The following SLC4A4 variants were observed in gnomAD, a reference collection of about 807,000 sequenced individuals.
SLC4A4 encodes the protein electrogenic sodium bicarbonate cotransporter 1.
In SLC4A4, 27 loss-of-function variants were observed where a neutral mutation model predicts 111.5. That is an observed-to-expected ratio of 0.24 (90% CI 0.18 to 0.33). The LOEUF (loss-of-function observed/expected upper bound fraction) is 0.33. SLC4A4 is among the 10% of genes least tolerant of loss of function. The pLI, the probability that SLC4A4 is intolerant of heterozygous loss-of-function variation, is 1.00. For missense variants in SLC4A4, 909 were observed against 1,315.5 expected (o/e 0.69, Z 4.78); for synonymous variants, 443 against 463.4 (o/e 0.96, Z 0.57).
intron 7 of SLC4A4, among the ~76,000 whole-genome samples, chr4:71,424,034 T>C (rs1030199755): frequency 2.6e-5 from 4 of 152,174 alleles, no homozygotes; most frequent in Admixed American, 2.0e-4. Context: ...CAAAAGAAAC[T>C]ACCATCAGAG....
intron 12 of SLC4A4, among the ~76,000 whole-genome samples, chr4:71,463,123 C>T (rs1577965214): frequency 6.6e-6 from 1 of 152,142 alleles, no homozygotes; most frequent in South Asian, 2.1e-4. Flanking sequence ...AAAATGAAAG[C>T]CCAACCAAAA....
At chr4:71,201,819 A>G (rs1746266065) in intron 1 of SLC4A4, among the ~76,000 whole-genome samples, 1 of 152,178 alleles carries the variant, frequency 6.6e-6, no homozygotes, top group Non-Finnish European at 1.5e-5. Flanking sequence ...GTGTTTTTGT[A>G]CCATTTGTGT....
At chr4:71,451,084 T>G (rs1264208325) in intron 10 of SLC4A4, 104 bp from the exon 11 acceptor site, 7 of 773,372 alleles carry the variant, frequency 9.1e-6, no homozygotes, top group South Asian at 2.9e-5. Context: ...TCTTTCACCT[T>G]AAGGGTTTTC....
intron 20 of SLC4A4, among the ~76,000 whole-genome samples, chr4:71,547,943 G>A (rs1291070737): frequency 2.0e-5 from 3 of 151,696 alleles, no homozygotes; most frequent in Admixed American, 1.3e-4. Flanking sequence ...TTATTTGATT[G>A]AACTATATTA....
At chr4:71,551,954 A>G (rs1419514464) in intron 20 of SLC4A4, among the ~76,000 whole-genome samples, 1 of 151,886 alleles carries the variant, frequency 6.6e-6, no homozygotes, top group African/African-American at 2.4e-5. Context: ...AATATAGTAG[A>G]ACTTAAATAA....
At chr4:71,228,366 A>G (rs1719182777) in intron 1 of SLC4A4, among the ~76,000 whole-genome samples, 1 of 152,154 alleles carries the variant, frequency 6.6e-6, no homozygotes, top group African/African-American at 2.4e-5. Flanking sequence ...AATCCCGTGC[A>G]TTTGCTCATG....
chr4:71,122,078 A>G (rs1254055298), intron 2 of SLC4A4, among the ~76,000 whole-genome samples: 1 of 152,012 alleles, frequency 6.6e-6, no homozygotes, highest in Admixed American at 6.6e-5. Flanking sequence ...ACACATCCAA[A>G]CATCAGAAGG....
At chr4:71,326,299 G>C (rs1022842585) in intron 3 of SLC4A4, among the ~76,000 whole-genome samples, 3 of 151,740 alleles carry the variant, frequency 2.0e-5, no homozygotes, top group Non-Finnish European at 2.9e-5. Context: ...AGTTTATAAG[G>C]ATGAGAAAAG....
intron 2 of SLC4A4, among the ~76,000 whole-genome samples, chr4:71,246,129 C>T (rs1018245892): frequency 2.6e-5 from 4 of 152,148 alleles, no homozygotes; most frequent in East Asian, 1.9e-4. Flanking sequence ...TGCTGGAAAA[C>T]GTTTAGCCTT....
At chr4:71,159,265 A>C (rs1204167136) in intron 2 of SLC4A4, among the ~76,000 whole-genome samples, 1 of 152,178 alleles carries the variant, frequency 6.6e-6, no homozygotes, top group Non-Finnish European at 1.5e-5. Context: ...GGGTTTTTTC[A>C]ATTTTTTAAT....
intron 2 of SLC4A4, among the ~76,000 whole-genome samples, chr4:71,121,203 T>TC (rs1249311067): frequency 6.7e-6 from 1 of 150,164 alleles, no homozygotes; most frequent in African/African-American, 2.5e-5. Flanking sequence ...TGCCCAAGCC[T>TC]CCCCCGCTTC....
intron 3 of SLC4A4, among the ~76,000 whole-genome samples, chr4:71,332,462 T>C (rs1163354627): frequency 6.7e-6 from 1 of 150,264 alleles, no homozygotes; most frequent in Non-Finnish European, 1.5e-5. Flanking sequence ...TTTTTTTTTT[T>C]GAGACGGAGT....
intron 2 of SLC4A4, among the ~76,000 whole-genome samples, chr4:71,115,198 A>C: frequency 9.7e-6 from 1 of 103,520 alleles, no homozygotes; most frequent in South Asian, 4.0e-4. Flanking sequence ...GGGTGGGGGG[A>C]GGGGAGAGGG....
chr4:71,533,437 A>G (rs1316546685), intron 17 of SLC4A4, among the ~76,000 whole-genome samples: 2 of 152,136 alleles, frequency 1.3e-5, no homozygotes, highest in African/African-American at 4.8e-5. Context: ...TTGATAGCAA[A>G]TATGGAGAAA....
intron 22 of SLC4A4, among the ~76,000 whole-genome samples, chr4:71,559,802 G>C (rs964813335): frequency 2.6e-5 from 4 of 151,736 alleles, no homozygotes; most frequent in Non-Finnish European, 4.4e-5. Context: ...GGAAGGCAAT[G>C]GTTTTGAAAA....
intron 13 of SLC4A4, among the ~76,000 whole-genome samples, chr4:71,469,477 A>C (rs766113233): frequency 6.6e-6 from 1 of 151,942 alleles, no homozygotes; most frequent in Non-Finnish European, 1.5e-5. Flanking sequence ...GTTTTATGCT[A>C]CTGAGAAACT....
At chr4:71,156,565 TGCGCGCATGCGCGCGC>T (rs1245461146) in intron 2 of SLC4A4, among the ~76,000 whole-genome samples, 12 of 27,398 alleles carry the variant, frequency 4.4e-4, no homozygotes, top group Admixed American at 6.9e-4. Flanking sequence ...AATAAGTGTG[TGCGCGCATGCGCGCGC>T]GCGCGCGCAC....
At chr4:71,466,931 A>AAGAGAGAGAGAGAGAG (rs61128918) in intron 13 of SLC4A4, among the ~76,000 whole-genome samples, 14 of 94,810 alleles carry the variant, frequency 1.5e-4, no homozygotes, top group South Asian at 6.9e-4. Flanking sequence ...ACAAGACGGG[A>AAGAGAGAGAGAGAGAG]AGAGAGAGAG....
chr4:71,120,649 C>A (rs905915439), intron 2 of SLC4A4, among the ~76,000 whole-genome samples: 1 of 152,180 alleles, frequency 6.6e-6, no homozygotes, highest in Non-Finnish European at 1.5e-5. Context: ...GGGAGGATCT[C>A]CTGAGGTCAG....
Sources: allele counts gnomAD v4.1 joint callset (sites outside exome capture counted in the v4.1 genomes callset), GRCh38; gene constraint gnomAD v4.1.1; transcripts MANE v1.5; gene names NCBI Gene and HGNC (gene_info 2026-07-23, HGNC 2026-07-21).